Variants in FAM114A2 observed in about 807,000 individuals in gnomAD.
The protein encoded by FAM114A2 is protein FAM114A2.
In FAM114A2, 53 loss-of-function variants were observed where a neutral mutation model predicts 58.4. That is an observed-to-expected ratio of 0.91 (90% CI 0.73 to 1.14). The LOEUF (loss-of-function observed/expected upper bound fraction) is 1.14. FAM114A2 is among the 50% of genes most tolerant of loss of function. The probability of loss-of-function intolerance (pLI) is 0.00; values close to 1 mark genes in which losing one functional copy is unlikely to be tolerated. For synonymous variants in FAM114A2, 228 were observed against 211.4 expected, an observed-to-expected ratio of 1.08 and a Z score of -0.68; for missense variants, 601 against 581.1, an observed-to-expected ratio of 1.03 and a Z score of -0.35.
rs981287014 is a variant in FAM114A2 at position 154,027,319 on chromosome 5, T to C, written c.646A>G (p.Lys216Glu). ...ATLSQVLREA[K>E]EKEEIRTSNE... The stretch of plus-strand genomic sequence containing the variant: ...GAGGTCCGTATCTCTTCTTTCTCCT[T>C]CGCCTCTCGTAAAACCTAAAAAGAG... The change falls in exon 7 of 14, where the codon AAG becomes GAG. Residue 216 changes from lysine (K) to glutamate (E), a missense_variant. Coordinates refer to ENST00000351797, the MANE Select transcript of FAM114A2 (RefSeq NM_018691.4). 10 of 1,611,234 alleles carry C rather than the reference T, an allele frequency of 6.2e-6. No homozygotes were observed. In the African/African-American group the frequency reaches 1.1e-4, roughly 17 times the overall value.
At chr5:154,024,981 T>A (rs1396886149) in intron 8 of FAM114A2, among the ~76,000 whole-genome samples, 1 of 152,230 alleles carries the variant, frequency 6.6e-6, no homozygotes, top group Non-Finnish European at 1.5e-5. Flanking sequence ...TTATCATGAC[T>A]CACAAATAAA....
Position 154,014,076 on chromosome 5 carries a change from A to G in FAM114A2, c.914-2756T>C, listed in dbSNP as rs75402960. ...GTCTAATTCCAAAACCCATCCTTTT[A>G]TTCACCATGCTATACTGCCTTCTCA... On this transcript the variant is annotated intron_variant, in intron 8 of 13. Coordinates refer to ENST00000351797, the MANE Select transcript of FAM114A2 (RefSeq NM_018691.4). 0.01 allele frequency among the ~76,000 whole-genome samples: 1,548 copies of G among 152,302 alleles called. 43 individuals are homozygous for G. In the East Asian group the frequency reaches 0.1, roughly 10 times the overall value.
At chr5:154,033,173 TGA>T (rs1357553528) in intron 4 of FAM114A2, among the ~76,000 whole-genome samples, 2 of 152,132 alleles carry the variant, frequency 1.3e-5, no homozygotes, top group East Asian at 3.9e-4. Context: ...AGAAAAAAAC[TGA>T]GACAGATCAG....
intron 5 of FAM114A2, 67 bp from the exon 6 acceptor site, chr5:154,028,350 GTATT>G (rs1232337737): frequency 8.2e-6 from 9 of 1,091,486 alleles, no homozygotes; most frequent in Non-Finnish European, 1.2e-5. Context: ...TTTTTATTAT[GTATT>G]TATTATATAA....
At chr5:154,028,410 ATGAAACAAT>A (rs1771951797) in intron 5 of FAM114A2, 127 bp from the exon 6 acceptor site, 3 of 644,930 alleles carry the variant, frequency 4.7e-6, no homozygotes, top group Non-Finnish European at 7.7e-6. Flanking sequence ...TGTAAAGCAA[ATGAAACAAT>A]CACACACTGC....
At chr5:154,034,992 A>AC in intron 1 of FAM114A2, 25 bp from the exon 2 acceptor site, 1 of 1,468,312 alleles carries the variant, frequency 6.8e-7, no homozygotes, top group Non-Finnish European at 9.4e-7. Context: ...GCCCAAAAAA[A>AC]ATTTATATAG....
At chr5:154,025,007 G>A (rs1413360930) in intron 8 of FAM114A2, among the ~76,000 whole-genome samples, 1 of 152,010 alleles carries the variant, frequency 6.6e-6, no homozygotes, top group Non-Finnish European at 1.5e-5. Context: ...TGCTCTCCTT[G>A]AAGAAAAGGT....
chr5:154,007,830 G>T (rs1770453893), intron 9 of FAM114A2, among the ~76,000 whole-genome samples: 1 of 152,174 alleles, frequency 6.6e-6, no homozygotes, highest in African/African-American at 2.4e-5. Flanking sequence ...CAGGCCCTTT[G>T]TAAGAGCTAT....
At chr5:153,994,887 T>C (rs1315648888) in intron 13 of FAM114A2, 32 bp downstream of exon 13, 2 of 1,424,092 alleles carry the variant, frequency 1.4e-6, no homozygotes, top group African/African-American at 1.4e-5. Context: ...CGTAATACCT[T>C]TGGAGTCAGA....
intron 2 of FAM114A2, 56 bp downstream of exon 2, chr5:154,034,688 A>G: frequency 3.1e-6 from 4 of 1,311,252 alleles, no homozygotes; most frequent in Non-Finnish European, 4.4e-6. Flanking sequence ...TAGCCCCAAC[A>G]TTTTTTAATC....
At chr5:154,030,810 A>G (rs1439816278) in intron 4 of FAM114A2, among the ~76,000 whole-genome samples, 1 of 152,202 alleles carries the variant, frequency 6.6e-6, no homozygotes, top group Non-Finnish European at 1.5e-5. Flanking sequence ...AGTCTGTACA[A>G]AGAACTACCA....
In FAM114A2 at chr5:153,991,362, C is replaced by T. The variant is rs1477691169; in HGVS notation, c.*1614G>A. On this transcript the variant is annotated 3_prime_UTR_variant, in exon 14 of 14. Transcript: ENST00000351797. ...GTGACCAGTTTCTAAACTTTGCCCT[C>T]AAGGGATACAGGTTCAGACACATCA... The T allele has an allele frequency of 6.6e-6, 1 of 152,184 alleles. No individual in the cohort carries two copies. The highest frequency in any genetic ancestry group is 1.5e-5 in the Non-Finnish European group (1 of 68,042). The allele number at this position is 152,184 out of a possible 1,614,324, so 9.4% of individuals were successfully genotyped here. A position where few individuals can be genotyped will look rare whatever the true frequency, so the allele number is the denominator to read the frequency against.
At chr5:154,011,817 G>A (rs1383958561) in intron 8 of FAM114A2, among the ~76,000 whole-genome samples, 1 of 152,164 alleles carries the variant, frequency 6.6e-6, no homozygotes, top group African/African-American at 2.4e-5. Context: ...TTCAGGCAGA[G>A]AAACAAATGT....
intron 8 of FAM114A2, among the ~76,000 whole-genome samples, chr5:154,021,924 T>C (rs1026182919): frequency 3.3e-5 from 5 of 152,156 alleles, no homozygotes; most frequent in African/African-American, 4.8e-5. Context: ...CAAAACAGCA[T>C]GGTACTGGTA....
chr5:154,030,968 A>C (rs1772151955), intron 4 of FAM114A2, among the ~76,000 whole-genome samples: 1 of 152,124 alleles, frequency 6.6e-6, no homozygotes, highest in African/African-American at 2.4e-5. Flanking sequence ...AGAGATAAAC[A>C]GTACTTAGTT....
intron 13 of FAM114A2, among the ~76,000 whole-genome samples, chr5:153,993,835 TAC>T (rs1581753000): frequency 6.6e-6 from 1 of 152,186 alleles, no homozygotes; most frequent in East Asian, 1.9e-4. Flanking sequence ...CAAGTGATAT[TAC>T]CTTTTTAAAA....
intron 1 of FAM114A2, among the ~76,000 whole-genome samples, chr5:154,035,225 A>C (rs988385152): frequency 6.6e-6 from 1 of 152,172 alleles, no homozygotes; most frequent in Non-Finnish European, 1.5e-5. Flanking sequence ...ATTTGTATTT[A>C]GTTCTATAAA....
intron 9 of FAM114A2, among the ~76,000 whole-genome samples, chr5:154,010,696 T>A (rs1770633560): frequency 6.6e-6 from 1 of 152,184 alleles, no homozygotes; most frequent in Admixed American, 6.5e-5. Flanking sequence ...CACTCTGAGC[T>A]TTGATTAAAG....
At chr5:154,023,855 T>C (rs1771605771) in intron 8 of FAM114A2, among the ~76,000 whole-genome samples, 1 of 152,114 alleles carries the variant, frequency 6.6e-6, no homozygotes. Flanking sequence ...TATACATGTA[T>C]ATTTCTTCTC....
Sources: allele counts gnomAD v4.1 joint callset (sites outside exome capture counted in the v4.1 genomes callset), GRCh38; gene constraint gnomAD v4.1.1; transcripts MANE v1.5; gene names NCBI Gene and HGNC (gene_info 2026-07-23, HGNC 2026-07-21).